Variants in GABPB1 observed in about 807,000 individuals in gnomAD.
GABPB1 encodes the protein GA-binding protein subunit beta-1.
Under a neutral mutation model 45.9 loss-of-function variants are expected in GABPB1, and 15 were observed. The observed-to-expected ratio is 0.33, with a 90% CI of 0.22 to 0.50. The LOEUF is 0.50. GABPB1 is among the 20% of genes least tolerant of loss of function. The pLI is 0.98. For missense variants in GABPB1, 252 were observed against 457.5 expected (o/e 0.55, Z 4.10); for synonymous variants, 143 against 154.4 (o/e 0.93, Z 0.55).
intron 1 of GABPB1, among the ~76,000 whole-genome samples, chr15:50,340,013 C>T (rs533931382): frequency 6.6e-6 from 1 of 152,180 alleles, no homozygotes; most frequent in African/African-American, 2.4e-5. Flanking sequence ...GAAATCCTAA[C>T]CCCAAGGTGA....
intron 1 of GABPB1, among the ~76,000 whole-genome samples, chr15:50,321,534 G>A (rs191261836): frequency 2.0e-5 from 3 of 152,068 alleles, no homozygotes; most frequent in African/African-American, 7.2e-5. Context: ...TTTAAAGTCT[G>A]CATTAAAAGG....
At chr15:50,298,920 C>T (rs1257405069) in intron 6 of GABPB1, among the ~76,000 whole-genome samples, 1 of 148,372 alleles carries the variant, frequency 6.7e-6, no homozygotes, top group Non-Finnish European at 1.5e-5. Context: ...CCACTGTACT[C>T]CAGCCTGTGT....
chr15:50,286,683 T>C (rs917049521), intron 7 of GABPB1, among the ~76,000 whole-genome samples: 2 of 152,204 alleles, frequency 1.3e-5, no homozygotes, highest in African/African-American at 2.4e-5. Context: ...ATAGAGAGCT[T>C]CTGTTTATTT....
At chr15:50,319,341 C>A (rs914315169) in intron 1 of GABPB1, among the ~76,000 whole-genome samples, 1 of 152,124 alleles carries the variant, frequency 6.6e-6, no homozygotes, top group African/African-American at 2.4e-5. Flanking sequence ...GTATATATTG[C>A]ATCGTGGTGA....
chr15:50,321,063 A>G (rs2047552929), intron 1 of GABPB1, among the ~76,000 whole-genome samples: 1 of 152,222 alleles, frequency 6.6e-6, no homozygotes, highest in Non-Finnish European at 1.5e-5. Context: ...GGAAATTATT[A>G]CACGATAGGA....
At chr15:50,291,341 C>T (rs926124041) in intron 6 of GABPB1, among the ~76,000 whole-genome samples, 2 of 149,416 alleles carry the variant, frequency 1.3e-5, no homozygotes, top group African/African-American at 2.5e-5. Context: ...TTTTTTGAGA[C>T]GAAATCTCAC....
At chr15:50,301,458 T>A (rs2046744451) in intron 4 of GABPB1, 90 bp from the exon 5 acceptor site, 2 of 1,168,136 alleles carry the variant, frequency 1.7e-6, no homozygotes, top group Non-Finnish European at 2.5e-6. Context: ...TATAAAGGAG[T>A]ATTCTCTAAG....
intron 1 of GABPB1, among the ~76,000 whole-genome samples, chr15:50,311,928 G>T (rs1380805134): frequency 6.6e-6 from 1 of 152,032 alleles, no homozygotes. Flanking sequence ...AGGTAACCAG[G>T]GACAGATACT....
Position 50,324,971 on chromosome 15 carries a change from T to C in GABPB1, c.1-15173A>G, listed in dbSNP as rs562160186. On this transcript the variant is annotated intron_variant, in intron 1 of 8. Transcript: ENST00000380877. Reference sequence around the variant, plus strand: ...AGACTGTGGGATTATGAGTAGGTTGTTTCTTGTCTCCACTTTTTAGAGGGC... The same window carrying C: ...AGACTGTGGGATTATGAGTAGGTTGCTTCTTGTCTCCACTTTTTAGAGGGC... Among the ~76,000 whole-genome samples the C allele has an allele frequency of 2.3e-3, 355 of 152,280 alleles. 1 individual carries two copies. The highest frequency in any genetic ancestry group is 8.1e-3 in the African/African-American group (336 of 41,548).
chr15:50,318,503 T>C (rs1037374822), intron 1 of GABPB1, among the ~76,000 whole-genome samples: 1 of 151,744 alleles, frequency 6.6e-6, no homozygotes, highest in Non-Finnish European at 1.5e-5. Context: ...AGAAAACCAC[T>C]AGATGACGTG....
intron 1 of GABPB1, among the ~76,000 whole-genome samples, chr15:50,319,392 A>C (rs190408382): frequency 6.6e-6 from 1 of 152,168 alleles, no homozygotes; most frequent in Non-Finnish European, 1.5e-5. Context: ...AATAGTGAAC[A>C]CTGTACCCAA....
chr15:50,299,842 G>A (rs1347704802), intron 6 of GABPB1, among the ~76,000 whole-genome samples: 1 of 151,534 alleles, frequency 6.6e-6, no homozygotes, highest in Non-Finnish European at 1.5e-5. Flanking sequence ...TTTGAGGCAG[G>A]GTCTCATTCA....
intron 8 of GABPB1, among the ~76,000 whole-genome samples, chr15:50,282,726 T>A (rs556195253): frequency 5.9e-5 from 9 of 152,148 alleles, no homozygotes; most frequent in African/African-American, 2.2e-4. Context: ...GGATCTCAAA[T>A]CTACCACCAG....
chr15:50,335,655 T>C (rs1180656575), intron 1 of GABPB1, among the ~76,000 whole-genome samples: 1 of 151,984 alleles, frequency 6.6e-6, no homozygotes, highest in Non-Finnish European at 1.5e-5. Context: ...TCCCAGCACT[T>C]TGGGAGGCCA....
chr15:50,279,930 T>C (rs1466585196), intron 8 of GABPB1, among the ~76,000 whole-genome samples: 1 of 152,154 alleles, frequency 6.6e-6, no homozygotes, highest in Non-Finnish European at 1.5e-5. Context: ...CCTCCTTGAC[T>C]CCTGCCCATT....
intron 1 of GABPB1, among the ~76,000 whole-genome samples, chr15:50,335,747 T>C (rs1398891779): frequency 6.6e-6 from 1 of 150,996 alleles, no homozygotes; most frequent in African/African-American, 2.4e-5. Context: ...AAATACAAAA[T>C]TAGCCAGGCG....
At chr15:50,342,398 C>G (rs2048408738) in intron 1 of GABPB1, among the ~76,000 whole-genome samples, 1 of 151,966 alleles carries the variant, frequency 6.6e-6, no homozygotes, top group Non-Finnish European at 1.5e-5. Context: ...TAGTATCTAG[C>G]AGCTTCTAAT....
chr15:50,305,266 C>T (rs2046902176), intron 2 of GABPB1, among the ~76,000 whole-genome samples: 1 of 150,764 alleles, frequency 6.6e-6, no homozygotes, highest in Admixed American at 6.7e-5. Context: ...GTATAAAGGT[C>T]CTTAGTCCTA....
intron 1 of GABPB1, among the ~76,000 whole-genome samples, chr15:50,328,189 T>C (rs2047835542): frequency 6.6e-6 from 1 of 152,046 alleles, no homozygotes; most frequent in Non-Finnish European, 1.5e-5. Flanking sequence ...TACCCATCAT[T>C]GACATTCTAA....
Sources: gnomAD v4.1 joint callset for allele counts (sites outside exome capture counted in the v4.1 genomes callset) on GRCh38, gnomAD v4.1.1 for gene constraint, MANE v1.5 for transcripts, NCBI Gene and HGNC (gene_info 2026-07-23, HGNC 2026-07-21) for gene names.